Variants in TEX36 observed in about 807,000 individuals in gnomAD.
TEX36 encodes the protein testis-expressed protein 36.
A neutral mutation model predicts 13.6 loss-of-function variants in TEX36; 12 were observed. The ratio of observed to expected loss-of-function variants is 0.88; its 90% confidence interval spans 0.56 to 1.43. The LOEUF is 1.43. Ranked by LOEUF, TEX36 falls within the 40% of genes most tolerant of loss-of-function variation. The probability of loss-of-function intolerance (pLI) is 0.00; values close to 1 mark genes in which losing one functional copy is unlikely to be tolerated. For missense variants in TEX36, 224 were observed against 228.3 expected (o/e 0.98, Z 0.12); for synonymous variants, 93 against 83.0 (o/e 1.12, Z -0.65).
intron 3 of TEX36, among the ~76,000 whole-genome samples, chr10:125,633,533 C>T (rs2133569072): frequency 6.6e-6 from 1 of 152,264 alleles, no homozygotes; most frequent in South Asian, 2.1e-4. Context: ...AACGATTTCC[C>T]CAAATCCTGC....
chr10:125,652,368 C>G (rs151115487), downstream of TEX36, among the ~76,000 whole-genome samples: 790 of 152,112 alleles, frequency 5.2e-3, 6 homozygotes, highest in African/African-American at 0.018. Flanking sequence ...ACAAACCTGA[C>G]AAAAACAAGA....
intron 3 of TEX36, 62 bp downstream of exon 3, chr10:125,660,959 A>G: frequency 7.0e-7 from 1 of 1,422,728 alleles, no homozygotes; most frequent in South Asian, 1.2e-5. Context: ...AACACACCCC[A>G]GAAAATCAAG....
intron 3 of TEX36, among the ~76,000 whole-genome samples, chr10:125,588,172 T>C (rs1845980554): frequency 6.6e-6 from 1 of 152,236 alleles, no homozygotes; most frequent in Admixed American, 6.5e-5. Context: ...GGTACAGACA[T>C]TTGTAATTTG....
At position 125,683,085 on chromosome 10, in the gene TEX36, TAC is replaced by T; in HGVS notation, c.-98_-97del. 1 of 1,360,896 alleles carries T rather than the reference TAC, an allele frequency of 7.3e-7. No individual in the cohort carries two copies. The highest frequency in any genetic ancestry group is 1.2e-5 in the South Asian group (1 of 80,198). The allele number at this position is 1,360,896 out of a possible 1,614,324, so 84.3% of individuals were successfully genotyped here. ...GCTGCTTCCTAAACTTCATAAGCTCTACACGTCTGGGAAGCTCCTCCTCCTCC... is the reference window on the plus strand; with the variant it reads ...GCTGCTTCCTAAACTTCATAAGCTCTACGTCTGGGAAGCTCCTCCTCCTCC... On this transcript the variant is annotated 5_prime_UTR_variant, in exon 1 of 4. Coordinates refer to ENST00000368821, the MANE Select transcript of TEX36 (RefSeq NM_001128202.3).
chr10:125,650,290 A>C (rs560958877), intron 3 of TEX36, among the ~76,000 whole-genome samples: 1 of 152,354 alleles, frequency 6.6e-6, no homozygotes, highest in South Asian at 2.1e-4. Flanking sequence ...AAATTATAAC[A>C]AACTGTCTCT....
Position 125,656,138 on chromosome 10 carries a change from T to C in TEX36, c.323A>G (p.Asn108Ser), listed in dbSNP as rs1204074833. Residue 108 changes from asparagine (N) to serine (S), a missense_variant, in exon 4 of 4, where the codon AAT becomes AGT. By Grantham distance (46) the Asn-to-Ser change is conservative (BLOSUM62 1). Coordinates refer to ENST00000368821, the MANE Select transcript of TEX36 (RefSeq NM_001128202.3). ...TGGAACATAGTCACATGCCCAGAGA[T>C]TAAAATTTCTTGAAACATGTTGCCT... is the stretch of plus-strand genomic sequence containing the variant. ...DKRQHVSRNF[N>S]LWACDYVPSC... 1.3e-6 allele frequency: 2 copies of C among 1,546,538 alleles called. No homozygotes were observed. The highest frequency in any genetic ancestry group is 1.7e-6 in the Non-Finnish European group (2 of 1,145,626).
At chr10:125,612,089 C>CT (rs1221864951) in intron 3 of TEX36, among the ~76,000 whole-genome samples, 8,164 of 136,654 alleles carry the variant, frequency 0.06, 348 homozygotes, top group South Asian at 0.16. Flanking sequence ...TTTTCTTTTT[C>CT]TTTTTTTTTT....
chr10:125,669,325 C>T (rs1245853006), intron 1 of TEX36, among the ~76,000 whole-genome samples: 6 of 151,570 alleles, frequency 4.0e-5, no homozygotes, highest in African/African-American at 1.5e-4. Flanking sequence ...TAAATAAATA[C>T]AAAACTTAGC....
At chr10:125,622,155 A>G (rs559885979) in intron 3 of TEX36, among the ~76,000 whole-genome samples, 1 of 152,182 alleles carries the variant, frequency 6.6e-6, no homozygotes, top group South Asian at 2.1e-4. Context: ...AATCATACTT[A>G]ATCTCCACAT....
chr10:125,582,050 G>C (rs541052693), intron 3 of TEX36, among the ~76,000 whole-genome samples: 2 of 152,308 alleles, frequency 1.3e-5, no homozygotes, highest in South Asian at 4.1e-4. Context: ...GGGATGGGGT[G>C]GTTTTCCCTA....
At chr10:125,607,846 T>A (rs1381718280) in intron 3 of TEX36, among the ~76,000 whole-genome samples, 1 of 152,136 alleles carries the variant, frequency 6.6e-6, no homozygotes, top group Non-Finnish European at 1.5e-5. Flanking sequence ...CATGGGGAAC[T>A]ATAACCCTGT....
At chr10:125,623,740 C>T (rs913912213) in intron 3 of TEX36, among the ~76,000 whole-genome samples, 2 of 152,132 alleles carry the variant, frequency 1.3e-5, no homozygotes, top group Non-Finnish European at 2.9e-5. Flanking sequence ...TCTGGCTCTT[C>T]GAAGTCTCAC....
At chr10:125,621,638 T>C (rs1460579045) in exon 4 of TEX36, 1 of 455,968 alleles carries the variant, frequency 2.2e-6, no homozygotes, top group Admixed American at 2.3e-5. Context: ...CGATAGGCCA[T>C]CTGCAAACTG....
intron 3 of TEX36, chr10:125,576,961 T>TA: frequency 6.7e-7 from 1 of 1,499,876 alleles, no homozygotes; most frequent in East Asian, 2.5e-5. Flanking sequence ...AAGGGGGCCT[T>TA]ATTCTCCCTG....
intron 1 of TEX36, among the ~76,000 whole-genome samples, chr10:125,675,820 T>C (rs956377470): frequency 2.6e-5 from 4 of 152,156 alleles, no homozygotes; most frequent in African/African-American, 9.7e-5. Flanking sequence ...CAGCTGTTTC[T>C]AGTTGGCCAT....
intron 3 of TEX36, among the ~76,000 whole-genome samples, chr10:125,646,830 T>G (rs191185058): frequency 1.2e-3 from 178 of 151,996 alleles, no homozygotes; most frequent in Non-Finnish European, 1.3e-3. Flanking sequence ...TAAAAATAAA[T>G]GGAAAAGACA....
intron 3 of TEX36, among the ~76,000 whole-genome samples, chr10:125,612,716 G>C (rs1256709759): frequency 6.6e-6 from 1 of 151,502 alleles, no homozygotes; most frequent in Non-Finnish European, 1.5e-5. Context: ...AAGTAATCGA[G>C]TATATCTTAC....
intron 3 of TEX36, among the ~76,000 whole-genome samples, chr10:125,605,931 A>AG (rs1246362703): frequency 1.3e-5 from 2 of 152,214 alleles, no homozygotes; most frequent in East Asian, 3.8e-4. Flanking sequence ...TTCTAGTTAC[A>AG]GGGAATCTAT....
At chr10:125,659,742 G>C (rs868593824) in intron 3 of TEX36, among the ~76,000 whole-genome samples, 2 of 152,320 alleles carry the variant, frequency 1.3e-5, no homozygotes, top group Middle Eastern at 6.8e-3. Context: ...GATGATAAGT[G>C]TAATTAGCCT....
Sources: gnomAD v4.1 joint callset for allele counts (sites outside exome capture counted in the v4.1 genomes callset) on GRCh38, gnomAD v4.1.1 for gene constraint, MANE v1.5 for transcripts, NCBI Gene and HGNC (gene_info 2026-07-23, HGNC 2026-07-21) for gene names.